The following SMG1 variants were observed in gnomAD, a reference collection of about 807,000 sequenced individuals.
SMG1 encodes the protein SMG1 nonsense mediated mRNA decay associated PI3K related kinase, also known as serine/threonine-protein kinase SMG1.
In SMG1, 22 loss-of-function variants were observed where a neutral mutation model predicts 419.9. That is an observed-to-expected ratio of 0.05 (90% CI 0.04 to 0.07). The LOEUF is 0.07. Among genes scored for constraint, SMG1 ranks in the 10% least tolerant of loss-of-function variants. SMG1 has a pLI of 1.00. For synonymous variants in SMG1, 1,538 were observed against 1,553.5 expected (o/e 0.99, Z 0.23); for missense variants, 3,185 against 4,342.0 (o/e 0.73, Z 7.49).
intron 60 of SMG1, among the ~76,000 whole-genome samples, chr16:18,814,358 G>C (rs911490549): frequency 1.3e-5 from 2 of 150,452 alleles, no homozygotes; most frequent in African/African-American, 4.9e-5. Flanking sequence ...TTTTAGCCAG[G>C]CATGGTGGCG....
chr16:18,922,621 T>C (rs1182763131), intron 1 of SMG1, among the ~76,000 whole-genome samples: 2 of 152,168 alleles, frequency 1.3e-5, no homozygotes, highest in South Asian at 2.1e-4. Context: ...TGCACCACCA[T>C]ATCCCGCTAA....
chr16:18,833,470 T>C (rs1567335703), intron 50 of SMG1, among the ~76,000 whole-genome samples: 1 of 152,186 alleles, frequency 6.6e-6, no homozygotes, highest in African/African-American at 2.4e-5. Context: ...AAGTATGTTA[T>C]ATAATGTTAT....
Position 18,838,217 on chromosome 16 carries a change from G to A in SMG1, c.7210C>T (p.Arg2404Trp), listed in dbSNP as rs773037247. ...GTCAGCAGGGTCTCTCTGCCACGCC[G>A]CATAATGTGTAAAACCTGTTTTCAG... ...LSCEQVLHIMRRGRETLLTLL... is the reference protein window; with the variant it reads ...LSCEQVLHIMWRGRETLLTLL... The change falls in exon 45 of 63, where the codon CGG becomes TGG. Residue 2404 changes from arginine to tryptophan, a missense_variant. By Grantham distance (101) the Arg-to-Trp change is moderately radical. This residue lies in a region of SMG1 where 60 missense variants were observed against 133.9 expected (regional missense o/e 0.45). Coordinates refer to ENST00000446231, the MANE Select transcript of SMG1 (RefSeq NM_015092.5). The A allele has an allele frequency of 2.6e-5, 42 of 1,609,838 alleles. No homozygotes were observed. Among genetic ancestry groups the A allele is most frequent in the African/African-American group, 6.7e-5 (5 of 74,834 alleles).
In SMG1 at chr16:18,808,870, T is replaced by C. The variant is rs2031101522; in HGVS notation, c.*699A>G. Reference sequence around the variant, plus strand: ...AATAAAAGTGAATTTGAAAGATGGCTAATCTACTAGATTAGGTAAAGGGGG... The same window carrying C: ...AATAAAAGTGAATTTGAAAGATGGCCAATCTACTAGATTAGGTAAAGGGGG... On this transcript the variant is annotated 3_prime_UTR_variant, in exon 63 of 63. Coordinates refer to ENST00000446231, the MANE Select transcript of SMG1 (RefSeq NM_015092.5). 6.6e-6 allele frequency: 1 copy of C among 152,632 alleles called. No individual in the cohort carries two copies. The highest frequency in any genetic ancestry group is 1.5e-5 in the Non-Finnish European group (1 of 68,028). The allele number at this position is 152,632 out of a possible 1,614,324, so 9.5% of individuals were successfully genotyped here.
In SMG1 at chr16:18,838,244, AGAGTTTTT is replaced by A; in HGVS notation, c.7195-20_7195-13del. ...ATAATGTGTAAAACCTGTTTTCAGG[AGAGTTTTT>A]AAAATAAGGTCTGCCACAAGTTTCA... On this transcript the variant is annotated splice_polypyrimidine_tract_variant and intron_variant, in intron 44 of 62. Coordinates refer to ENST00000446231, the MANE Select transcript of SMG1 (RefSeq NM_015092.5). The A allele has an allele frequency of 6.2e-7, 1 of 1,609,310 alleles. No homozygotes were observed. Among genetic ancestry groups the A allele is most frequent in the South Asian group, 1.1e-5 (1 of 90,706 alleles).
intron 5 of SMG1, among the ~76,000 whole-genome samples, chr16:18,889,832 G>A (rs1050114640): frequency 6.6e-6 from 1 of 152,070 alleles, no homozygotes; most frequent in African/African-American, 2.4e-5. Context: ...GTGAGGGAAG[G>A]CCCAAAAATG....
chr16:18,903,852 G>C (rs576802173), intron 1 of SMG1, among the ~76,000 whole-genome samples: 2 of 150,454 alleles, frequency 1.3e-5, no homozygotes, highest in African/African-American at 2.5e-5. Context: ...CATCATCTTC[G>C]CATAATGGAA....
chr16:18,833,480 T>C (rs1263177031), intron 50 of SMG1, among the ~76,000 whole-genome samples: 1 of 152,196 alleles, frequency 6.6e-6, no homozygotes, highest in Non-Finnish European at 1.5e-5. Context: ...TATAATGTTA[T>C]TAATTTTTAG....
chr16:18,925,805 C>T, intron 1 of SMG1, 145 bp downstream of exon 1: 1 of 544,974 alleles, frequency 1.8e-6, no homozygotes, highest in Admixed American at 4.4e-5. Flanking sequence ...CTCCCCCAGC[C>T]GGGGCGGAGG....
rs2030954606 is a variant in SMG1, at chr16:18,807,579, TTCATGGGTACTTAACGATTACAGATTA to T, written c.*1963_*1989del. ...AAGCACTGATACTGAAACACATTCT[TTCATGGGTACTTAACGATTACAGATTA>T]ACGTGGCAATCAGAATACAAAAAAG... On this transcript the variant is annotated 3_prime_UTR_variant, in exon 63 of 63. Transcript: ENST00000446231. 6.6e-6 allele frequency: 1 copy of T among 152,282 alleles called. No individual in the cohort carries two copies. The highest frequency in any genetic ancestry group is 1.5e-5 in the Non-Finnish European group (1 of 68,020). The allele number at this position is 152,282 out of a possible 1,614,324, so 9.4% of individuals were successfully genotyped here.
intron 6 of SMG1, among the ~76,000 whole-genome samples, chr16:18,888,018 T>G (rs1255804797): frequency 6.6e-6 from 1 of 150,810 alleles, no homozygotes; most frequent in Non-Finnish European, 1.5e-5. Flanking sequence ...ATACAAAACT[T>G]AGCCAGGCTA....
chr16:18,880,945 T>C (rs927409665), intron 10 of SMG1, among the ~76,000 whole-genome samples: 2 of 144,670 alleles, frequency 1.4e-5, no homozygotes, highest in Non-Finnish European at 3.0e-5. Context: ...TGAGTCGTGA[T>C]GGCACCACCC....
At chr16:18,901,023 G>A (rs2141881564) in intron 1 of SMG1, among the ~76,000 whole-genome samples, 1 of 152,152 alleles carries the variant, frequency 6.6e-6, no homozygotes, top group South Asian at 2.1e-4. Context: ...GAGGCTCAGG[G>A]AATTTATTAT....
chr16:18,916,865 ATT>A (rs1295248393), intron 1 of SMG1, among the ~76,000 whole-genome samples: 2 of 152,008 alleles, frequency 1.3e-5, no homozygotes, highest in East Asian at 3.9e-4. Context: ...AGCCTCAGGG[ATT>A]TGTTTTAGGC....
chr16:18,839,498 A>G (rs1364854498), intron 42 of SMG1, among the ~76,000 whole-genome samples, 200 bp downstream of exon 42: 2 of 152,056 alleles, frequency 1.3e-5, no homozygotes, highest in Non-Finnish European at 2.9e-5. Flanking sequence ...CATTTCCTCC[A>G]TAACTCTTTC....
intron 45 of SMG1, 57 bp downstream of exon 45, chr16:18,837,957 C>T: frequency 2.6e-6 from 4 of 1,542,190 alleles, no homozygotes; most frequent in Non-Finnish European, 3.5e-6. Context: ...TTTTGATGAG[C>T]ATGTTTACTC....
At chr16:18,906,173 T>G (rs977636541) in intron 1 of SMG1, among the ~76,000 whole-genome samples, 6 of 141,892 alleles carry the variant, frequency 4.2e-5, no homozygotes. Flanking sequence ...ATACACACAT[T>G]CTACTTCACC....
chr16:18,834,756 C>T, intron 49 of SMG1, 136 bp downstream of exon 49: 1 of 1,010,012 alleles, frequency 9.9e-7, no homozygotes, highest in Admixed American at 2.3e-5. Context: ...CAAAACACAA[C>T]CAAGATAACT....
intron 38 of SMG1, among the ~76,000 whole-genome samples, 174 bp from the exon 39 acceptor site, chr16:18,845,825 T>C (rs766529540): frequency 8.3e-5 from 12 of 144,764 alleles, no homozygotes; most frequent in East Asian, 1.9e-4. Context: ...TTTGGTTTTG[T>C]TTTTTTTTGG....
Sources: allele counts gnomAD v4.1 joint callset (sites outside exome capture counted in the v4.1 genomes callset), GRCh38; gene constraint gnomAD v4.1.1; regional missense constraint gnomAD v4.1.1; transcripts MANE v1.5; gene names NCBI Gene and HGNC (gene_info 2026-07-23, HGNC 2026-07-21).